The following TMEM131L variants were observed in gnomAD, a reference collection of about 807,000 sequenced individuals.
TMEM131L encodes transmembrane 131 like.
Under a neutral mutation model 192.2 loss-of-function variants are expected in TMEM131L, and 54 were observed. The ratio of observed to expected loss-of-function variants is 0.28; its 90% CI spans 0.23 to 0.35. TMEM131L has a LOEUF of 0.35. Among genes scored for constraint, TMEM131L ranks in the 10% least tolerant of loss-of-function variants. The pLI is 1.00. For synonymous variants in TMEM131L, 701 were observed against 704.9 expected, an observed-to-expected ratio of 0.99 and a Z score of 0.09; for missense variants, 1,888 against 1,972.9, an observed-to-expected ratio of 0.96 and a Z score of 0.82.
intron 3 of TMEM131L, among the ~76,000 whole-genome samples, chr4:153,497,801 A>G (rs554347577): frequency 7.1e-6 from 1 of 141,468 alleles, no homozygotes; most frequent in South Asian, 2.2e-4. Flanking sequence ...TTTCTACTCT[A>G]TTATTTCATC....
At chr4:153,600,318 G>C (rs1578838078) in intron 21 of TMEM131L, among the ~76,000 whole-genome samples, 2 of 150,952 alleles carry the variant, frequency 1.3e-5, no homozygotes, top group Admixed American at 1.3e-4. Flanking sequence ...AGTGAGCTAC[G>C]ATCATGCCAC....
intron 3 of TMEM131L, among the ~76,000 whole-genome samples, chr4:153,505,093 ATTTC>A (rs1038303814): frequency 2.8e-5 from 4 of 145,180 alleles, no homozygotes; most frequent in South Asian, 4.3e-4. Context: ...CCAACTTTCC[ATTTC>A]TTTCTTTCTT....
intron 7 of TMEM131L, among the ~76,000 whole-genome samples, chr4:153,575,247 A>G (rs540953598): frequency 1.3e-5 from 2 of 152,338 alleles, no homozygotes; most frequent in African/African-American, 4.8e-5. Context: ...GGGCACCAGC[A>G]ATTCCTTAGC....
chr4:153,632,628 G>A, intron 31 of TMEM131L, 90 bp from the exon 32 acceptor site: 8 of 1,472,946 alleles, frequency 5.4e-6, no homozygotes, highest in Non-Finnish European at 7.5e-6. Context: ...ACATTAGGGA[G>A]TGTTTTCTGG....
At chr4:153,572,833 G>A (rs1163009582) in intron 7 of TMEM131L, among the ~76,000 whole-genome samples, 13 of 151,994 alleles carry the variant, frequency 8.6e-5, no homozygotes, top group Admixed American at 7.9e-4. Flanking sequence ...CACCCCAAGG[G>A]GAAACTCCAT....
intron 20 of TMEM131L, among the ~76,000 whole-genome samples, chr4:153,597,323 A>G (rs543503416): frequency 6.6e-6 from 1 of 151,982 alleles, no homozygotes; most frequent in African/African-American, 2.4e-5. Flanking sequence ...TCTTTGAAGA[A>G]CTAAGGTCCT....
chr4:153,504,184 G>A (rs576942778), intron 3 of TMEM131L, among the ~76,000 whole-genome samples: 1 of 146,250 alleles, frequency 6.8e-6, no homozygotes, highest in South Asian at 2.3e-4. Flanking sequence ...TGGCCAGGAT[G>A]TTCTCGATCT....
chr4:153,482,461 T>C (rs773766069), intron 3 of TMEM131L, among the ~76,000 whole-genome samples: 1 of 152,214 alleles, frequency 6.6e-6, no homozygotes, highest in Non-Finnish European at 1.5e-5. Context: ...AATTGTGAAA[T>C]TTTTAGCAAA....
At position 153,550,573 on chromosome 4, in the gene TMEM131L, G is replaced by A. The variant is rs560140847; in HGVS notation, c.308+432G>A. On this transcript the variant is annotated intron_variant, in intron 4 of 34. Coordinates refer to ENST00000409959, the MANE Select transcript of TMEM131L (RefSeq NM_001131007.2). ...GATCTCCTGACTTCGTGATCCGCCCGCCTCGGCCTCCCAAAGTGCTGGGAT... is the reference window on the plus strand; with the variant it reads ...GATCTCCTGACTTCGTGATCCGCCCACCTCGGCCTCCCAAAGTGCTGGGAT... 2.9e-3 allele frequency among the ~76,000 whole-genome samples: 439 copies of A among 152,238 alleles called. 2 individuals are homozygous for A. Among genetic ancestry groups the A allele is most frequent in the Non-Finnish European group, 4.6e-3 (310 of 68,014 alleles).
chr4:153,605,233 A>G (rs80326786), intron 25 of TMEM131L, among the ~76,000 whole-genome samples: 2 of 152,224 alleles, frequency 1.3e-5, no homozygotes, highest in Non-Finnish European at 2.9e-5. Flanking sequence ...TAGGAGGATG[A>G]CCTCCATTGG....
chr4:153,606,960 C>T (rs1202739065), intron 25 of TMEM131L, among the ~76,000 whole-genome samples: 1 of 152,166 alleles, frequency 6.6e-6, no homozygotes, highest in Non-Finnish European at 1.5e-5. Flanking sequence ...GCATTTTGTT[C>T]TGACTGTTTT....
chr4:153,487,370 T>G (rs1178157412), intron 3 of TMEM131L, among the ~76,000 whole-genome samples: 2 of 151,806 alleles, frequency 1.3e-5, no homozygotes, highest in Non-Finnish European at 2.9e-5. Flanking sequence ...GTGGATCGAG[T>G]GTGTCCGAAG....
intron 7 of TMEM131L, among the ~76,000 whole-genome samples, chr4:153,569,334 G>C (rs1480826167): frequency 6.6e-6 from 1 of 152,078 alleles, no homozygotes; most frequent in Non-Finnish European, 1.5e-5. Flanking sequence ...GACCCTCCTC[G>C]GACTGCTGGG....
At chr4:153,635,695 T>C in intron 34 of TMEM131L, 124 bp downstream of exon 34, 1 of 1,110,522 alleles carries the variant, frequency 9.0e-7, no homozygotes, top group Non-Finnish European at 1.3e-6. Flanking sequence ...CTGGCTTGCT[T>C]CTTTTAGATC....
chr4:153,532,984 C>CTT (rs70963190), intron 3 of TMEM131L, among the ~76,000 whole-genome samples: 47 of 129,670 alleles, frequency 3.6e-4, no homozygotes, highest in African/African-American at 6.9e-4. Flanking sequence ...TTTCTCAATT[C>CTT]TTTTTTTTTT....
chr4:153,603,687 A>T, intron 24 of TMEM131L, 115 bp from the exon 25 acceptor site: 1 of 1,197,878 alleles, frequency 8.3e-7, no homozygotes, highest in African/African-American at 1.5e-5. Flanking sequence ...GAAGAAGGGA[A>T]GGTAAAACTT....
rs140437563 is a variant in TMEM131L, at chr4:153,589,829, T to G, written c.1670+822T>G. 2.1e-3 allele frequency among the ~76,000 whole-genome samples: 318 copies of G among 152,324 alleles called. 1 individual carries two copies. Among genetic ancestry groups the G allele is most frequent in the African/African-American group, 7.3e-3 (304 of 41,576 alleles). ...CACCAGATGTTCACATTTTATCACT[T>G]TTGCTTTATTTCTCTATGTGTACAC... On this transcript the variant is annotated intron_variant, in intron 16 of 34. Transcript: ENST00000409959.
At chr4:153,522,907 G>A (rs1257589782) in intron 3 of TMEM131L, among the ~76,000 whole-genome samples, 6 of 152,160 alleles carry the variant, frequency 3.9e-5, no homozygotes, top group African/African-American at 1.4e-4. Flanking sequence ...GCCCTGCCTT[G>A]AGTTACACTG....
Position 153,555,936 on chromosome 4 carries a change from C to T in TMEM131L, c.432+26C>T, listed in dbSNP as rs1728404177. On this transcript the variant is annotated intron_variant, in intron 5 of 34. Transcript: ENST00000409959. The surrounding 1 kb of genome is among the most constrained non-coding windows in gnomAD (Gnocchi z 4.1). Reference sequence around the variant, plus strand: ...GTGGGTGTTGATGGACTCCTGGAAACTATGCCGTGGCAGGCAGCCAGGTTT... The same window carrying T: ...GTGGGTGTTGATGGACTCCTGGAAATTATGCCGTGGCAGGCAGCCAGGTTT... The T allele has an allele frequency of 1.3e-6, 2 of 1,546,766 alleles. No homozygotes were observed. Among genetic ancestry groups the T allele is most frequent in the Non-Finnish European group, 1.7e-6 (2 of 1,144,214 alleles).
Sources: gnomAD v4.1 joint callset for allele counts (sites outside exome capture counted in the v4.1 genomes callset) on GRCh38, gnomAD v4.1.1 for gene constraint, Gnocchi (gnomAD v3.1) non-coding constraint, MANE v1.5 for transcripts, NCBI Gene and HGNC (gene_info 2026-07-23, HGNC 2026-07-21) for gene names.